GLIS3: variants seen among roughly 807,000 people sequenced by gnomAD.
GLIS3 encodes the protein GLIS family zinc finger 3.
A neutral mutation model predicts 78.6 loss-of-function variants in GLIS3; 53 were observed. The ratio of observed to expected loss-of-function variants is 0.67; its 90% CI spans 0.54 to 0.85. The LOEUF (loss-of-function observed/expected upper bound fraction) is 0.85, where lower values mean the gene tolerates loss of function less well. Among genes scored for constraint, GLIS3 ranks in the 40% least tolerant of loss-of-function variants. The pLI, the probability that GLIS3 is intolerant of heterozygous loss-of-function variation, is 0.00. For missense variants in GLIS3, 1,703 were observed against 1,231.1 expected, an observed-to-expected ratio of 1.38 and a Z score of -5.74; for synonymous variants, 684 against 509.9, an observed-to-expected ratio of 1.34 and a Z score of -4.60.
chr9:4,393,009 T>C, the GLIS3 span, among the ~76,000 whole-genome samples: 1 of 151,906 alleles, frequency 6.6e-6, no homozygotes, highest in South Asian at 2.1e-4. Context: ...GATCCCCCAA[T>C]CCCACTTTGG....
At chr9:3,913,686 T>C (rs1051660308) in intron 6 of GLIS3, among the ~76,000 whole-genome samples, 4 of 152,244 alleles carry the variant, frequency 2.6e-5, no homozygotes, top group Admixed American at 2.6e-4. Flanking sequence ...AAAGTAATTT[T>C]ATTCTTTTTC....
rs1288337682 is a variant in GLIS3, at chr9:4,139,718, C to T, written c.389-13777G>A. The stretch of plus-strand genomic sequence containing the variant: ...AGGATGAAACTGTTCCACCTCAGAT[C>T]ATCAGGCATTATAATTAGATTCTCG... On this transcript the variant is annotated intron_variant, in intron 2 of 10. Transcript: ENST00000381971. Among the ~76,000 whole-genome samples, 3 of 152,158 alleles carry T rather than the reference C, an allele frequency of 2.0e-5. No individual in the cohort carries two copies. The East Asian group carries it at 5.8e-4, about 29-fold the overall frequency.
intron 6 of GLIS3, among the ~76,000 whole-genome samples, chr9:3,909,629 A>G (rs998913503): frequency 3.3e-5 from 5 of 152,250 alleles, no homozygotes; most frequent in Non-Finnish European, 7.3e-5. Flanking sequence ...GAATGGGTAC[A>G]CATGCTGGGG....
chr9:4,462,577 C>T, the GLIS3 span, among the ~76,000 whole-genome samples: 929 of 146,596 alleles, frequency 6.3e-3, 14 homozygotes, highest in African/African-American at 0.022. Context: ...GGCAACATAG[C>T]GAGATTCCAT....
At chr9:4,005,761 A>G (rs1821493307) in intron 4 of GLIS3, among the ~76,000 whole-genome samples, 1 of 152,252 alleles carries the variant, frequency 6.6e-6, no homozygotes, top group Admixed American at 6.5e-5. Context: ...TCATGATGGT[A>G]TATCCATATA....
intron 2 of GLIS3, among the ~76,000 whole-genome samples, chr9:4,234,826 T>A (rs577295980): frequency 6.6e-6 from 1 of 152,158 alleles, no homozygotes; most frequent in African/African-American, 2.4e-5. Context: ...CTGCTCAAGG[T>A]CATGCAACTA....
the GLIS3 span, among the ~76,000 whole-genome samples, chr9:4,376,973 G>C: frequency 1.8e-4 from 24 of 135,334 alleles, 6 homozygotes; most frequent in African/African-American, 6.2e-4. Flanking sequence ...CAGACCACCT[G>C]AGATTGCCTC....
chr9:4,246,075 C>G (rs1823775651), intron 2 of GLIS3, among the ~76,000 whole-genome samples: 2 of 152,044 alleles, frequency 1.3e-5, no homozygotes, highest in Non-Finnish European at 2.9e-5. Flanking sequence ...GCAATAAACC[C>G]TCTTAAAATA....
intron 9 of GLIS3, among the ~76,000 whole-genome samples, chr9:3,845,748 C>T (rs1021430797): frequency 3.9e-5 from 6 of 152,150 alleles, no homozygotes; most frequent in African/African-American, 1.4e-4. Flanking sequence ...CGCACACACA[C>T]ACCCACACAC....
At chr9:4,011,695 A>G (rs1822023547) in intron 4 of GLIS3, among the ~76,000 whole-genome samples, 1 of 152,008 alleles carries the variant, frequency 6.6e-6, no homozygotes. Flanking sequence ...TTTATTTTCT[A>G]ATTGATTTTT....
At chr9:4,209,343 G>C (rs1054035037) in intron 2 of GLIS3, among the ~76,000 whole-genome samples, 1 of 152,110 alleles carries the variant, frequency 6.6e-6, no homozygotes, top group African/African-American at 2.4e-5. Context: ...AGGGTATCTG[G>C]GTTTCTCATA....
At chr9:4,310,324 C>G (rs568164311) in intron 3 of GLIS3, 1 of 152,184 alleles carries the variant, frequency 6.6e-6, no homozygotes, top group Non-Finnish European at 1.5e-5. Flanking sequence ...CTCTTCTATA[C>G]TGTATTGATA....
At chr9:4,418,387 G>A in the GLIS3 span, among the ~76,000 whole-genome samples, 2 of 152,196 alleles carry the variant, frequency 1.3e-5, no homozygotes, top group Non-Finnish European at 2.9e-5. Flanking sequence ...TTAAAATTCG[G>A]ATGTTACAGG....
intron 2 of GLIS3, among the ~76,000 whole-genome samples, chr9:4,161,799 C>T (rs1288933824): frequency 6.6e-6 from 1 of 151,160 alleles, no homozygotes; most frequent in Non-Finnish European, 1.5e-5. Context: ...CCCCACTCAG[C>T]CTCTCAAGTA....
intron 2 of GLIS3, among the ~76,000 whole-genome samples, chr9:4,256,069 C>G (rs1220949755): frequency 6.6e-6 from 1 of 151,934 alleles, no homozygotes; most frequent in East Asian, 1.9e-4. Flanking sequence ...CAAACTTGCC[C>G]AAGCCCTTAT....
At chr9:4,303,266 CAG>C (rs1182924791), upstream of GLIS3, among the ~76,000 whole-genome samples, 8 of 30,038 alleles carry the variant, frequency 2.7e-4, no homozygotes, top group South Asian at 8.0e-3. Context: ...TATTAAAACA[CAG>C]ACACACACAC....
At chr9:4,471,542 T>C in the GLIS3 span, among the ~76,000 whole-genome samples, 20 of 152,286 alleles carry the variant, frequency 1.3e-4, no homozygotes, top group African/African-American at 4.8e-4. Context: ...CTGGGAAAAC[T>C]GGCTAGCCGT....
At chr9:4,174,403 G>A (rs991964151) in intron 2 of GLIS3, among the ~76,000 whole-genome samples, 15 of 152,094 alleles carry the variant, frequency 9.9e-5, no homozygotes, top group Admixed American at 4.6e-4. Context: ...ATCCAGTGAC[G>A]AATGTGGTAT....
intron 2 of GLIS3, among the ~76,000 whole-genome samples, chr9:4,275,379 G>C (rs1826887423): frequency 6.6e-6 from 1 of 152,152 alleles, no homozygotes; most frequent in East Asian, 1.9e-4. Context: ...TTCAAATAGA[G>C]AGAAGGAGAA....
Sources: gnomAD v4.1 joint callset for allele counts (sites outside exome capture counted in the v4.1 genomes callset) on GRCh38, gnomAD v4.1.1 for gene constraint, MANE v1.5 for transcripts, NCBI Gene and HGNC (gene_info 2026-07-23, HGNC 2026-07-21) for gene names.